SERPINA12: variants seen among roughly 807,000 people sequenced by gnomAD.
SERPINA12 encodes the protein serpin A12.
Under a neutral mutation model 25.9 loss-of-function variants are expected in SERPINA12, and 21 were observed. The observed-to-expected ratio is 0.81, with a 90% CI of 0.58 to 1.17. The LOEUF is 1.17. SERPINA12 is among the 50% of genes most tolerant of loss of function. The pLI, the probability that SERPINA12 is intolerant of heterozygous loss-of-function variation, is 0.00. For synonymous variants in SERPINA12, 220 were observed against 196.0 expected (o/e 1.12, Z -1.02); for missense variants, 562 against 508.3 (o/e 1.11, Z -1.02).
intron 1 of SERPINA12, among the ~76,000 whole-genome samples, chr14:94,504,706 T>A (rs1008998994): frequency 6.6e-6 from 1 of 152,234 alleles, no homozygotes; most frequent in Non-Finnish European, 1.5e-5. Flanking sequence ...AAGTTCATGA[T>A]CATGGAAATT....
intron 1 of SERPINA12, among the ~76,000 whole-genome samples, chr14:94,507,949 T>A (rs746223472): frequency 6.6e-6 from 1 of 152,166 alleles, no homozygotes; most frequent in South Asian, 2.1e-4. Flanking sequence ...AGATGTCCAT[T>A]TATAGTAGAG....
chr14:94,515,561 C>G (rs184335347), intron 2 of SERPINA12, among the ~76,000 whole-genome samples: 3 of 152,328 alleles, frequency 2.0e-5, no homozygotes, highest in Admixed American at 2.0e-4. Flanking sequence ...GCAAATGCTG[C>G]TCCACTTGGG....
At chr14:94,496,901 C>T (rs566001798) in intron 2 of SERPINA12, among the ~76,000 whole-genome samples, 2 of 152,316 alleles carry the variant, frequency 1.3e-5, no homozygotes, top group East Asian at 3.9e-4. Flanking sequence ...AGCTCAGGTT[C>T]CCCTAAGCCT....
At chr14:94,505,073 C>T (rs1900884813) in intron 1 of SERPINA12, among the ~76,000 whole-genome samples, 1 of 152,188 alleles carries the variant, frequency 6.6e-6, no homozygotes, top group African/African-American at 2.4e-5. Flanking sequence ...GCAGAAAAAA[C>T]ATTCACATAT....
upstream of SERPINA12, chr14:94,511,866 G>A (rs1901120130): frequency 3.6e-6 from 1 of 280,320 alleles, no homozygotes; most frequent in Non-Finnish European, 5.4e-6. Flanking sequence ...GGGAGGCCAA[G>A]GCAGGTGGAT....
In SERPINA12 at chr14:94,488,007, C is replaced by T. The variant is rs138343361; in HGVS notation, c.1054-513G>A. ...CAGGTGATCAGTACTGGGAAACTAA[C>T]GGGCATGTGTGAAATCCTGGCACAT... is the stretch of plus-strand genomic sequence containing the variant. On this transcript the variant is annotated intron_variant, in intron 4 of 4. Transcript: ENST00000677451. 5.4e-3 allele frequency among the ~76,000 whole-genome samples: 828 copies of T among 152,252 alleles called. 3 individuals carry two copies. Among genetic ancestry groups the T allele is most frequent in the African/African-American group, 0.019 (772 of 41,544 alleles).
At chr14:94,488,487 C>A (rs1290540351) in intron 4 of SERPINA12, among the ~76,000 whole-genome samples, 1 of 151,842 alleles carries the variant, frequency 6.6e-6, no homozygotes, top group East Asian at 1.9e-4. Flanking sequence ...CTTTTTAACC[C>A]CAAAGTAGGG....
At chr14:94,501,968 C>A (rs1900746628) in intron 1 of SERPINA12, among the ~76,000 whole-genome samples, 1 of 151,758 alleles carries the variant, frequency 6.6e-6, no homozygotes, top group Non-Finnish European at 1.5e-5. Context: ...ATTTCCCAAT[C>A]AATTGATAGG....
chr14:94,511,342 A>G (rs1901104974), upstream of SERPINA12: 2 of 919,302 alleles, frequency 2.2e-6, no homozygotes, highest in Non-Finnish European at 2.6e-6. Context: ...GAGGTTTGGG[A>G]TAGTGAGTCA....
chr14:94,495,778 A>G (rs139206099), intron 3 of SERPINA12, among the ~76,000 whole-genome samples: 10 of 152,294 alleles, frequency 6.6e-5, no homozygotes, highest in Non-Finnish European at 1.5e-4. Context: ...CTAAGTCCCC[A>G]AGACTTAAAC....
upstream of SERPINA12, among the ~76,000 whole-genome samples, chr14:94,510,843 A>G (rs1901091722): frequency 1.3e-5 from 2 of 152,234 alleles, no homozygotes; most frequent in Non-Finnish European, 2.9e-5. Flanking sequence ...TAACTCGGGA[A>G]TGGAAAACCA....
chr14:94,501,661 TC>T (rs1249261946), intron 1 of SERPINA12, among the ~76,000 whole-genome samples: 8 of 69,504 alleles, frequency 1.2e-4, no homozygotes, highest in Non-Finnish European at 1.8e-4. Flanking sequence ...TGCCACCACC[TC>T]CCCGCCCCCC....
intron 1 of SERPINA12, among the ~76,000 whole-genome samples, chr14:94,508,950 T>C (rs1022989283): frequency 6.6e-6 from 1 of 152,210 alleles, no homozygotes; most frequent in Non-Finnish European, 1.5e-5. Context: ...ACATTATGTA[T>C]TTTTCATACC....
intron 4 of SERPINA12, among the ~76,000 whole-genome samples, chr14:94,488,961 G>A (rs1487752161): frequency 1.3e-5 from 2 of 152,160 alleles, no homozygotes; most frequent in Non-Finnish European, 2.9e-5. Context: ...GCCGGGCATG[G>A]TGGCGGGCGC....
At chr14:94,517,355 G>A (rs563078538) in intron 1 of SERPINA12, 8 of 152,354 alleles carry the variant, frequency 5.3e-5, no homozygotes, top group East Asian at 3.9e-4. Context: ...CCCTACAAGA[G>A]GTACCTCCTA....
At chr14:94,492,319 T>A (rs1900210518) in intron 3 of SERPINA12, among the ~76,000 whole-genome samples, 1 of 151,294 alleles carries the variant, frequency 6.6e-6, no homozygotes, top group Non-Finnish European at 1.5e-5. Flanking sequence ...AAAGGGGGAG[T>A]GACGAAATGG....
chr14:94,498,350 C>A lies in SERPINA12; in HGVS notation c.48G>T (p.Thr16=), dbSNP rs144330691. The change falls in exon 2 of 5, where the codon ACG becomes ACT. Residue 16 remains threonine, a synonymous_variant. Transcript: ENST00000677451. ...AGCTCGGCTTTAGAAGACCTTTCAC[C>A]GTGAGGAGAACAGCCAGAAAAATGG... ...GLAIFLAVLL[T]VKGLLKPSFS... is the part of the protein sequence containing the mutation. 1 of 1,614,082 alleles carries A rather than the reference C, an allele frequency of 6.2e-7. No individual in the cohort carries two copies. Among genetic ancestry groups the A allele is most frequent in the East Asian group, 2.2e-5 (1 of 44,872 alleles).
At chr14:94,503,636 C>T (rs992162837) in intron 1 of SERPINA12, among the ~76,000 whole-genome samples, 1 of 152,180 alleles carries the variant, frequency 6.6e-6, no homozygotes, top group African/African-American at 2.4e-5. Context: ...AAATGAGGCC[C>T]AGAGTGGACA....
At chr14:94,511,332 G>A (rs1308674207), upstream of SERPINA12, 7 of 859,926 alleles carry the variant, frequency 8.1e-6, no homozygotes, top group Admixed American at 4.3e-4. Flanking sequence ...TGAGAAAGCT[G>A]AGGTTTGGGA....
Sources: allele counts gnomAD v4.1 joint callset (sites outside exome capture counted in the v4.1 genomes callset), GRCh38; gene constraint gnomAD v4.1.1; transcripts MANE v1.5; gene names NCBI Gene and HGNC (gene_info 2026-07-23, HGNC 2026-07-21).